Variants in ELP4 observed in about 807,000 individuals in gnomAD.
ELP4 encodes elongator acetyltransferase complex subunit 4.
A neutral mutation model predicts 48.9 loss-of-function variants in ELP4; 51 were observed. The ratio of observed to expected loss-of-function variants is 1.04; its 90% CI spans 0.83 to 1.32. The LOEUF (loss-of-function observed/expected upper bound fraction) is 1.32, where lower values mean the gene tolerates loss of function less well. Ranked by LOEUF, ELP4 falls within the 40% of genes most tolerant of loss-of-function variation. The pLI is 0.00. For synonymous variants in ELP4, 210 were observed against 189.2 expected (o/e 1.11, Z -0.90); for missense variants, 519 against 514.6 (o/e 1.01, Z -0.08).
At chr11:31,731,239 T>A (rs1947179665) in intron 9 of ELP4, among the ~76,000 whole-genome samples, 1 of 152,038 alleles carries the variant, frequency 6.6e-6, no homozygotes, top group Non-Finnish European at 1.5e-5. Flanking sequence ...AAACAAACCC[T>A]TAAAAAACAG....
chr11:31,723,076 C>A (rs2134189105), intron 9 of ELP4, among the ~76,000 whole-genome samples: 1 of 152,330 alleles, frequency 6.6e-6, no homozygotes, highest in South Asian at 2.1e-4. Context: ...CCACCAAAGT[C>A]CTGAGGCACT....
intron 9 of ELP4, among the ~76,000 whole-genome samples, chr11:31,705,846 T>A (rs974240844): frequency 8.0e-5 from 11 of 137,326 alleles, no homozygotes; most frequent in African/African-American, 2.1e-4. Context: ...TAATTTTTTT[T>A]AAATTTTGTT....
At chr11:31,569,997 A>G (rs1417915443) in intron 3 of ELP4, among the ~76,000 whole-genome samples, 1 of 152,198 alleles carries the variant, frequency 6.6e-6, no homozygotes, top group Non-Finnish European at 1.5e-5. Flanking sequence ...CAACCCAGCA[A>G]TTCCATTACT....
Position 31,632,366 on chromosome 11 carries a change from T to A in ELP4, c.888T>A (p.Leu296=), listed in dbSNP as rs1165169362. The A allele has an allele frequency of 2.5e-6, 4 of 1,612,712 alleles. No homozygotes were observed. The highest frequency in any genetic ancestry group is 3.4e-6 in the Non-Finnish European group (4 of 1,179,472). The change falls in exon 7 of 10, where the codon CTT becomes CTA. Residue 296 remains leucine (L), a synonymous_variant. Coordinates refer to ENST00000640961, the MANE Select transcript of ELP4 (RefSeq NM_019040.5). ...TCCGTGGTCTTCTGAGAACCTCTCT[T>A]TCAGCCTGCATCATCACAATGCCAA... ...YVLRGLLRTS[L]SACIITMPTH... is the part of the protein sequence containing the mutation.
chr11:31,549,068 AG>A (rs1956788839), intron 3 of ELP4, among the ~76,000 whole-genome samples: 1 of 152,134 alleles, frequency 6.6e-6, no homozygotes, highest in Non-Finnish European at 1.5e-5. Context: ...TTCAGGACAT[AG>A]GCATGGGCAA....
intron 9 of ELP4, chr11:31,779,694 ACT>A: frequency 6.6e-6 from 1 of 152,288 alleles, no homozygotes; most frequent in Admixed American, 6.5e-5. Flanking sequence ...TGCTAGCCTC[ACT>A]GTTTCCCTCC....
At chr11:31,531,603 T>C (rs1956397107) in intron 2 of ELP4, among the ~76,000 whole-genome samples, 1 of 152,178 alleles carries the variant, frequency 6.6e-6, no homozygotes, top group Non-Finnish European at 1.5e-5. Flanking sequence ...TGGGTGGTGC[T>C]AACAAGTAGT....
chr11:31,631,869 T>C (rs1464301024), intron 6 of ELP4, among the ~76,000 whole-genome samples: 1 of 152,136 alleles, frequency 6.6e-6, no homozygotes, highest in African/African-American at 2.4e-5. Context: ...GAGAAGGGGT[T>C]TGCAAGCATT....
At chr11:31,612,548 C>T (rs181445862) in intron 5 of ELP4, among the ~76,000 whole-genome samples, 306 of 152,162 alleles carry the variant, frequency 2.0e-3, no homozygotes, top group African/African-American at 7.0e-3. Context: ...AAACAGTGAA[C>T]AAAATGTTGG....
chr11:31,681,517 C>A (rs1220982988), intron 9 of ELP4, among the ~76,000 whole-genome samples: 2 of 151,914 alleles, frequency 1.3e-5, no homozygotes, highest in African/African-American at 2.4e-5. Context: ...CAATACAGGG[C>A]AAAATATCCT....
chr11:31,711,135 G>C (rs909245124), intron 9 of ELP4, among the ~76,000 whole-genome samples: 1 of 152,176 alleles, frequency 6.6e-6, no homozygotes, highest in African/African-American at 2.4e-5. Flanking sequence ...ACGCTTGGAT[G>C]ATACATAAAT....
At chr11:31,659,551 A>T (rs554929858) in intron 9 of ELP4, among the ~76,000 whole-genome samples, 1 of 152,152 alleles carries the variant, frequency 6.6e-6, no homozygotes, top group African/African-American at 2.4e-5. Flanking sequence ...TTCAAATATT[A>T]TTGCTCAATA....
chr11:31,537,284 ATTAT>A (rs1956516505), intron 2 of ELP4, among the ~76,000 whole-genome samples: 1 of 152,202 alleles, frequency 6.6e-6, no homozygotes, highest in South Asian at 2.1e-4. Flanking sequence ...TACAAAAAAA[ATTAT>A]TTCTCCACCT....
intron 3 of ELP4, among the ~76,000 whole-genome samples, chr11:31,550,448 C>CT (rs1166941197): frequency 6.6e-6 from 1 of 152,112 alleles, no homozygotes; most frequent in East Asian, 1.9e-4. Flanking sequence ...AAAACATAAG[C>CT]TCCATCAAGT....
intron 3 of ELP4, among the ~76,000 whole-genome samples, chr11:31,543,618 A>G (rs911679146): frequency 6.6e-6 from 1 of 152,196 alleles, no homozygotes; most frequent in Non-Finnish European, 1.5e-5. Context: ...AGTCCTGAAG[A>G]AAACAACATC....
At chr11:31,628,934 TTC>T (rs1225731566) in intron 6 of ELP4, among the ~76,000 whole-genome samples, 1 of 152,094 alleles carries the variant, frequency 6.6e-6, no homozygotes, top group Non-Finnish European at 1.5e-5. Context: ...AAAAATAATG[TTC>T]TGACATTGAA....
chr11:31,704,690 T>C (rs967220004), intron 9 of ELP4, among the ~76,000 whole-genome samples: 4 of 152,064 alleles, frequency 2.6e-5, no homozygotes, highest in African/African-American at 9.7e-5. Context: ...ATTTAGATCA[T>C]AGAAAACACT....
At chr11:31,602,256 A>T (rs1231306904) in intron 4 of ELP4, among the ~76,000 whole-genome samples, 3 of 151,990 alleles carry the variant, frequency 2.0e-5, no homozygotes, top group African/African-American at 4.8e-5. Context: ...TCTGAACTAT[A>T]ATCCGGATAA....
At chr11:31,714,930 C>T (rs968138043) in intron 9 of ELP4, 2 of 397,192 alleles carry the variant, frequency 5.0e-6, no homozygotes, top group Non-Finnish European at 8.9e-6. Context: ...TTCAATCTTT[C>T]ACCTTAATTC....
Sources: allele counts gnomAD v4.1 joint callset (sites outside exome capture counted in the v4.1 genomes callset), GRCh38; gene constraint gnomAD v4.1.1; transcripts MANE v1.5; gene names NCBI Gene and HGNC (gene_info 2026-07-23, HGNC 2026-07-21).